Variants in MSRA observed in about 807,000 individuals in gnomAD.
MSRA encodes mitochondrial peptide methionine sulfoxide reductase.
MSRA carries 54 observed loss-of-function variants against 31.3 expected under a neutral mutation model. The observed-to-expected ratio is 1.73, with a 90% CI of 1.39 to 2.17. MSRA has a LOEUF of 2.17. Among genes scored for constraint, MSRA ranks in the 30% most tolerant of loss-of-function variants. MSRA has a pLI of 0.00. For missense variants in MSRA, 507 were observed against 300.9 expected (o/e 1.69, Z -5.07); for synonymous variants, 169 against 116.5 (o/e 1.45, Z -2.90).
chr8:10,381,594 C>T (rs549876642), intron 5 of MSRA, among the ~76,000 whole-genome samples: 86 of 152,288 alleles, frequency 5.6e-4, no homozygotes, highest in African/African-American at 1.9e-3. Flanking sequence ...GAGGTGGGAA[C>T]GAACACACAT....
chr8:10,279,116 C>G (rs1468146098), intron 3 of MSRA, among the ~76,000 whole-genome samples: 7 of 152,202 alleles, frequency 4.6e-5, no homozygotes, highest in African/African-American at 1.7e-4. Context: ...GGCTCTGCTA[C>G]TAAATGGCTG....
intron 3 of MSRA, among the ~76,000 whole-genome samples, chr8:10,279,299 C>T (rs185439579): frequency 2.3e-4 from 35 of 152,286 alleles, no homozygotes; most frequent in African/African-American, 7.5e-4. Flanking sequence ...GCTGACTCTC[C>T]AGACATATGT....
intron 5 of MSRA, among the ~76,000 whole-genome samples, chr8:10,388,522 C>G (rs1298293776): frequency 1.3e-5 from 2 of 152,190 alleles, no homozygotes; most frequent in Non-Finnish European, 2.9e-5. Flanking sequence ...ATATTCTGGT[C>G]TCCTGCGTGA....
chr8:10,403,032 C>G (rs1384998250), intron 5 of MSRA, among the ~76,000 whole-genome samples: 3 of 152,186 alleles, frequency 2.0e-5, no homozygotes, highest in Non-Finnish European at 4.4e-5. Flanking sequence ...AGTTCATGCA[C>G]AAAAGCCAGG....
intron 5 of MSRA, among the ~76,000 whole-genome samples, chr8:10,363,119 C>A (rs570270721): frequency 1.3e-5 from 2 of 152,236 alleles, no homozygotes; most frequent in Non-Finnish European, 2.9e-5. Flanking sequence ...GTCCACTCTT[C>A]TAGCACTTTC....
At chr8:10,173,362 C>G (rs553263925) in intron 1 of MSRA, among the ~76,000 whole-genome samples, 2 of 152,342 alleles carry the variant, frequency 1.3e-5, no homozygotes, top group South Asian at 2.1e-4. Context: ...GGTGAAGAAT[C>G]TGGGGGTGAA....
At chr8:10,057,753 A>T (rs995932306) in intron 1 of MSRA, among the ~76,000 whole-genome samples, 2 of 152,054 alleles carry the variant, frequency 1.3e-5, no homozygotes, top group African/African-American at 4.8e-5. Flanking sequence ...CTTTGTGTGG[A>T]GATGTGCCAG....
At chr8:10,400,696 G>A (rs1807406134) in intron 5 of MSRA, among the ~76,000 whole-genome samples, 1 of 152,116 alleles carries the variant, frequency 6.6e-6, no homozygotes, top group African/African-American at 2.4e-5. Flanking sequence ...AGACAGGAAG[G>A]CTGAACCCTC....
chr8:10,061,031 C>G (rs544108311), intron 1 of MSRA, among the ~76,000 whole-genome samples: 15 of 152,214 alleles, frequency 9.9e-5, no homozygotes, highest in Non-Finnish European at 2.1e-4. Context: ...TATTTCCCCT[C>G]TTTGCATCCT....
At chr8:10,396,047 C>T (rs558929480) in intron 5 of MSRA, among the ~76,000 whole-genome samples, 3 of 152,274 alleles carry the variant, frequency 2.0e-5, no homozygotes, top group African/African-American at 7.2e-5. Flanking sequence ...CAGCTCCCTC[C>T]CTTCTCCCCT....
intron 2 of MSRA, among the ~76,000 whole-genome samples, chr8:10,211,249 C>G (rs114904961): frequency 1.3e-5 from 2 of 152,130 alleles, no homozygotes; most frequent in African/African-American, 2.4e-5. Flanking sequence ...ATCAAGGGAT[C>G]AGAGAATAGA....
intron 3 of MSRA, among the ~76,000 whole-genome samples, chr8:10,279,995 C>A (rs751919770): frequency 6.6e-6 from 1 of 152,178 alleles, no homozygotes; most frequent in Non-Finnish European, 1.5e-5. Context: ...TTTTAACTTA[C>A]AATCCATTTT....
At chr8:10,158,426 C>A (rs1014175486) in intron 1 of MSRA, among the ~76,000 whole-genome samples, 1 of 152,192 alleles carries the variant, frequency 6.6e-6, no homozygotes, top group Non-Finnish European at 1.5e-5. Context: ...CTTTCTGTGT[C>A]TATAGATTTG....
Position 10,176,836 on chromosome 8 carries a change from C to G in MSRA, c.143-30997C>G, listed in dbSNP as rs79405301. ...CTCAGAAGTGTTACAACTGGAACTT[C>G]TGGTCATCAGGATTGTTGTGTTTTT... On this transcript the variant is annotated intron_variant, in intron 1 of 5. Transcript: ENST00000317173. Among the ~76,000 whole-genome samples the G allele has an allele frequency of 1.2e-3, 183 of 152,306 alleles. 3 individuals carry two copies. The highest frequency in any genetic ancestry group is 4.1e-3 in the African/African-American group (172 of 41,570).
At chr8:10,335,965 G>A (rs994678967) in intron 5 of MSRA, among the ~76,000 whole-genome samples, 3 of 152,132 alleles carry the variant, frequency 2.0e-5, no homozygotes, top group Non-Finnish European at 4.4e-5. Flanking sequence ...CTGATTCCAA[G>A]CTCTGTGCAT....
intron 1 of MSRA, among the ~76,000 whole-genome samples, chr8:10,116,633 C>T (rs576547155): frequency 2.6e-5 from 4 of 152,174 alleles, no homozygotes; most frequent in South Asian, 2.1e-4. Flanking sequence ...TGCAGGAGCA[C>T]GGAGCAGGGT....
intron 2 of MSRA, among the ~76,000 whole-genome samples, chr8:10,228,703 C>T (rs987248246): frequency 2.0e-5 from 3 of 152,142 alleles, no homozygotes; most frequent in Admixed American, 6.5e-5. Flanking sequence ...TGCCTTGGTT[C>T]TATCTATGTC....
chr8:10,160,344 A>T (rs1804524163), intron 1 of MSRA, among the ~76,000 whole-genome samples: 1 of 151,922 alleles, frequency 6.6e-6, no homozygotes, highest in Non-Finnish European at 1.5e-5. Flanking sequence ...AAACACAAAA[A>T]ATTAGCCAGG....
chr8:10,347,185 C>G (rs903885443), intron 5 of MSRA, among the ~76,000 whole-genome samples: 3 of 152,174 alleles, frequency 2.0e-5, no homozygotes, highest in African/African-American at 7.2e-5. Flanking sequence ...ATCACTGTAT[C>G]TTCCCTAGTC....
Sources: gnomAD v4.1 joint callset for allele counts (sites outside exome capture counted in the v4.1 genomes callset) on GRCh38, gnomAD v4.1.1 for gene constraint, MANE v1.5 for transcripts, NCBI Gene and HGNC (gene_info 2026-07-23, HGNC 2026-07-21) for gene names.